Variants in ZPBP2 observed in about 807,000 individuals in gnomAD.
ZPBP2 encodes zona pellucida binding protein 2, also known as zona pellucida-binding protein 2.
A neutral mutation model predicts 37.5 loss-of-function variants in ZPBP2; 34 were observed. That is an observed-to-expected ratio of 0.91 (90% CI 0.69 to 1.21). The LOEUF is 1.21. Ranked by LOEUF, ZPBP2 falls within the 50% of genes most tolerant of loss-of-function variation. ZPBP2 has a pLI of 0.00. For missense variants in ZPBP2, 397 were observed against 413.5 expected, an observed-to-expected ratio of 0.96 and a Z score of 0.35; for synonymous variants, 143 against 138.4, an observed-to-expected ratio of 1.03 and a Z score of -0.23.
At position 39,868,375 on chromosome 17, in the gene ZPBP2, A is replaced by G. The variant is rs961844267; in HGVS notation, c.21A>G (p.Leu7=). 12 of 1,609,350 alleles carry G rather than the reference A, an allele frequency of 7.5e-6. No homozygotes were observed. The highest frequency in any genetic ancestry group is 1.0e-5 in the Non-Finnish European group (12 of 1,179,802). Residue 7 remains leucine (L), a synonymous_variant, in exon 1 of 8, where the codon CTA becomes CTG. Coordinates refer to ENST00000348931, the MANE Select transcript of ZPBP2 (RefSeq NM_199321.3). The part of the protein sequence containing the change: MMRTCV[L]LSAVLWCLTG... The stretch of plus-strand genomic sequence containing the variant: ...GAGCGATGATGCGAACGTGCGTCCT[A>G]CTCTCCGCGGTGCTCTGGTGCCTCA...
intron 5 of ZPBP2, 42 bp from the exon 6 acceptor site, chr17:39,873,002 T>C (rs201419424): frequency 6.3e-7 from 1 of 1,585,234 alleles, no homozygotes; most frequent in East Asian, 2.3e-5. Flanking sequence ...TTTGGAACTT[T>C]TCAGAATCCC....
intron 3 of ZPBP2, 104 bp from the exon 4 acceptor site, chr17:39,871,360 A>T: frequency 1.5e-6 from 1 of 663,630 alleles, no homozygotes; most frequent in Non-Finnish European, 2.3e-6. Flanking sequence ...AAGTTGAGAT[A>T]GTTCATTAAT....
intron 7 of ZPBP2, among the ~76,000 whole-genome samples, chr17:39,875,795 C>A (rs2063387083): frequency 6.7e-6 from 1 of 148,946 alleles, no homozygotes; most frequent in Non-Finnish European, 1.5e-5. Context: ...CCAGGCTGGT[C>A]TCGACTGAAC....
chr17:39,868,649 AG>A lies in ZPBP2; in HGVS notation c.118+39del, dbSNP rs765369736. On this transcript the variant is annotated intron_variant, in intron 2 of 7. Transcript: ENST00000348931. ...GCCTCTGCACACGCGGGCCCATTGG[AG>A]GGGCCGGAACTGCGAAGCTCTTCCC... 6 of 1,612,716 alleles carry A rather than the reference AG, an allele frequency of 3.7e-6. No individual in the cohort carries two copies. The African/African-American group carries it at 6.7e-5, about 18-fold the overall frequency.
intron 7 of ZPBP2, among the ~76,000 whole-genome samples, chr17:39,875,883 C>CCTTTTTTTTTTTT (rs1555647948): frequency 4.7e-5 from 3 of 63,770 alleles, no homozygotes; most frequent in Non-Finnish European, 1.0e-4. Flanking sequence ...TGCTTGGCCC[C>CCTTTTTTTTTTTT]TTTTTTTTTT....
intron 7 of ZPBP2, 44 bp downstream of exon 7, chr17:39,875,478 C>A: frequency 1.4e-6 from 2 of 1,403,604 alleles, no homozygotes; most frequent in South Asian, 3.3e-5. Context: ...GTTATAGAGT[C>A]AGAAGAATAT....
At position 39,868,581 on chromosome 17, in the gene ZPBP2, A is replaced by T; in HGVS notation, c.85A>T (p.Lys29Ter). 1.2e-6 allele frequency: 2 copies of T among 1,614,152 alleles called. No homozygotes were observed. The highest frequency in any genetic ancestry group is 1.7e-6 in the Non-Finnish European group (2 of 1,180,032). ...QCPRFTLFNK[K>*]GFIYGKTGQP... is the part of the protein sequence containing the mutation. ...CCCGCGTTTTACCTTATTCAATAAGAAGGGCTTCATTTATGGCAAGACAGG... is the reference window on the plus strand; with the variant it reads ...CCCGCGTTTTACCTTATTCAATAAGTAGGGCTTCATTTATGGCAAGACAGG... The change falls in exon 2 of 8, where the codon AAG (lysine) becomes TAG (stop). Residue 29 changes from lysine (K) to a stop codon, truncating the protein, a stop_gained. Transcript: ENST00000348931. LOFTEE classifies it high-confidence loss of function.
intron 2 of ZPBP2, among the ~76,000 whole-genome samples, chr17:39,869,326 A>C (rs1031835818): frequency 3.9e-5 from 6 of 152,024 alleles, no homozygotes; most frequent in African/African-American, 9.6e-5. Flanking sequence ...CCAATGGAGA[A>C]AATTTACAGT....
chr17:39,876,395 A>G (rs541033154), intron 7 of ZPBP2, among the ~76,000 whole-genome samples: 1 of 152,314 alleles, frequency 6.6e-6, no homozygotes, highest in South Asian at 2.1e-4. Flanking sequence ...AAAACTAGAA[A>G]TAGGAACTCA....
chr17:39,870,254 G>C (rs1438063853), intron 2 of ZPBP2, among the ~76,000 whole-genome samples: 1 of 151,944 alleles, frequency 6.6e-6, no homozygotes, highest in African/African-American at 2.4e-5. Context: ...GTTTTCTTCA[G>C]GCTGGTCTCA....
At chr17:39,872,658 CTAAT>C (rs376064061) in intron 5 of ZPBP2, among the ~76,000 whole-genome samples, 170 bp downstream of exon 5, 82 of 152,274 alleles carry the variant, frequency 5.4e-4, no homozygotes, top group African/African-American at 1.9e-3. Context: ...ACTTAACACA[CTAAT>C]TAATTACTTT....
chr17:39,874,093 C>A (rs577937380), intron 6 of ZPBP2, among the ~76,000 whole-genome samples: 5 of 144,836 alleles, frequency 3.5e-5, no homozygotes, highest in Non-Finnish European at 6.0e-5. Flanking sequence ...TCAAGCAATT[C>A]TCCTGCCTCA....
At chr17:39,870,551 G>A (rs140531006) in intron 2 of ZPBP2, 143 bp from the exon 3 acceptor site, 179 of 436,642 alleles carry the variant, frequency 4.1e-4, no homozygotes, top group African/African-American at 2.6e-3. Context: ...TCAGACGAGC[G>A]TTCTAAATGT....
rs190450508 is a variant in ZPBP2 at position 39,877,172 on chromosome 17, T to C, written c.*363T>C. The C allele has an allele frequency of 1.2e-3, 191 of 164,470 alleles. No individual in the cohort carries two copies. Among genetic ancestry groups the C allele is most frequent in the African/African-American group, 4.3e-3 (179 of 41,888 alleles). The allele number at this position is 164,470 out of a possible 1,614,324, so 10.2% of individuals were successfully genotyped here. A position where few individuals can be genotyped will look rare whatever the true frequency, so the allele number is the denominator to read the frequency against. The stretch of plus-strand genomic sequence containing the variant: ...ATATTTATTTGTTTGGAATCACTCT[T>C]GTGTGATATAAAGGCGTGTATATTA... On this transcript the variant is annotated 3_prime_UTR_variant, in exon 8 of 8. Transcript: ENST00000348931.
intron 2 of ZPBP2, 35 bp downstream of exon 2, chr17:39,868,649 A>G (rs1568089375): frequency 6.2e-7 from 1 of 1,612,834 alleles, no homozygotes; most frequent in South Asian, 1.1e-5. Flanking sequence ...GGCCCATTGG[A>G]GGGGCCGGAA....
intron 6 of ZPBP2, among the ~76,000 whole-genome samples, chr17:39,874,911 T>C (rs11658278): frequency 0.46 from 69,309 of 151,834 alleles, 16,059 homozygotes; most frequent in Non-Finnish European, 0.49. Flanking sequence ...CCACCACACC[T>C]AGCTAATTTT....
intron 4 of ZPBP2, 53 bp downstream of exon 4, chr17:39,871,678 G>C: frequency 7.3e-7 from 1 of 1,373,124 alleles, no homozygotes; most frequent in Non-Finnish European, 9.7e-7. Flanking sequence ...TCGTAATTAA[G>C]TGTATGGTTT....
At chr17:39,872,237 G>T in intron 4 of ZPBP2, 33 bp from the exon 5 acceptor site, 1 of 1,527,410 alleles carries the variant, frequency 6.5e-7, no homozygotes, top group Non-Finnish European at 8.8e-7. Context: ...AGGTACGATT[G>T]TTTTCACTCT....
rs2063384717 is a variant in ZPBP2, at chr17:39,875,391, TG to T, written c.848del (p.Gly283GlufsTer28). The T allele has an allele frequency of 6.2e-7, 1 of 1,612,884 alleles. No homozygotes were observed. The highest frequency in any genetic ancestry group is 8.5e-7 in the Non-Finnish European group (1 of 1,179,636). ...GTCTGGATAGCTGTCGACCAGGCTT[TG>T]GAAAAAATGAACGTCTACACAGTAA... is the stretch of plus-strand genomic sequence containing the variant. ...VRLDSCRPGF[G>X]KNERLHSNCA... is the part of the protein sequence containing the mutation. On this transcript the variant is annotated frameshift_variant, in exon 7 of 8. Transcript: ENST00000348931. LOFTEE classifies it high-confidence loss of function.
Sources: gnomAD v4.1 joint callset for allele counts (sites outside exome capture counted in the v4.1 genomes callset) on GRCh38, gnomAD v4.1.1 for gene constraint, MANE v1.5 for transcripts, NCBI Gene and HGNC (gene_info 2026-07-23, HGNC 2026-07-21) for gene names.